The following AKAP1 variants were observed in gnomAD, a reference collection of about 807,000 sequenced individuals.
AKAP1 encodes the protein A-kinase anchoring protein 1, also known as A-kinase anchor protein 1, mitochondrial.
In AKAP1, 32 loss-of-function variants were observed where a neutral mutation model predicts 79.8. The ratio of observed to expected loss-of-function variants is 0.40; its 90% confidence interval spans 0.30 to 0.54. The LOEUF (loss-of-function observed/expected upper bound fraction) is 0.54, where lower values mean the gene tolerates loss of function less well. Among genes scored for constraint, AKAP1 ranks in the 20% least tolerant of loss-of-function variants. The pLI is 0.47. For synonymous variants in AKAP1, 416 were observed against 466.7 expected (o/e 0.89, Z 1.40); for missense variants, 961 against 1,138.9 (o/e 0.84, Z 2.25).
chr17:57,099,885 A>C (rs1359716681), intron 1 of AKAP1, among the ~76,000 whole-genome samples: 1 of 152,114 alleles, frequency 6.6e-6, no homozygotes, highest in African/African-American at 2.4e-5. Context: ...GCCAGGGCAG[A>C]GGTGCGTGCT....
intron 1 of AKAP1, among the ~76,000 whole-genome samples, chr17:57,100,428 A>AACACACACACAC (rs71363890): frequency 0.091 from 13,697 of 149,716 alleles, 688 homozygotes; most frequent in Non-Finnish European, 0.11. Context: ...TCTCTGCTAA[A>AACACACACACAC]ACACACACAC....
chr17:57,102,571 T>C (rs1421247582), intron 1 of AKAP1, among the ~76,000 whole-genome samples: 1 of 151,700 alleles, frequency 6.6e-6, no homozygotes, highest in Non-Finnish European at 1.5e-5. Context: ...GTTCAAGTGA[T>C]TCTCCCGCTC....
At chr17:57,116,689 G>C (rs1915605621) in intron 7 of AKAP1, among the ~76,000 whole-genome samples, 171 bp from the exon 8 acceptor site, 1 of 152,184 alleles carries the variant, frequency 6.6e-6, no homozygotes, top group Non-Finnish European at 1.5e-5. Context: ...TTGCAGCAGG[G>C]TCGGCTGGCT....
intron 1 of AKAP1, among the ~76,000 whole-genome samples, chr17:57,089,044 C>T (rs1371932656): frequency 6.6e-6 from 1 of 152,174 alleles, no homozygotes; most frequent in Non-Finnish European, 1.5e-5. Context: ...CTGACAAGAG[C>T]CTGGGACTTG....
chr17:57,096,051 A>AT (rs1914092529), intron 1 of AKAP1: 1 of 152,116 alleles, frequency 6.6e-6, no homozygotes, highest in Admixed American at 6.5e-5. Context: ...GGTGCTGATG[A>AT]TTTTTCCTTC....
chr17:57,106,959 C>G lies in AKAP1; in HGVS notation c.1495C>G (p.Pro499Ala). ...CATGTCAGACAGCAGCCAAAGTGTCCCTTTGGTGGCTTCTCCAGGACACTG... is the reference window on the plus strand; with the variant it reads ...CATGTCAGACAGCAGCCAAAGTGTCGCTTTGGTGGCTTCTCCAGGACACTG... ...TCMSDSSQSV[P>A]LVASPGHCSD... The change falls in exon 2 of 11, where the codon CCT (proline) becomes GCT (alanine). Residue 499 changes from proline (P) to alanine (A), a missense_variant. Around this residue, in one of 3 missense-constraint regions of AKAP1, gnomAD observed 629 missense variants for 781.1 expected, o/e 0.81. Transcript: ENST00000337714. 6.2e-7 allele frequency: 1 copy of G among 1,614,092 alleles called. No homozygotes were observed. The highest frequency in any genetic ancestry group is 8.5e-7 in the Non-Finnish European group (1 of 1,179,950).
At chr17:57,113,061 C>A (rs1915349484) in intron 5 of AKAP1, among the ~76,000 whole-genome samples, 1 of 152,162 alleles carries the variant, frequency 6.6e-6, no homozygotes, top group South Asian at 2.1e-4. Flanking sequence ...GGTGAAGGAT[C>A]TCCTTCCCCT....
At position 57,111,902 on chromosome 17, in the gene AKAP1, C is replaced by T. The variant is rs768459645; in HGVS notation, c.1953C>T (p.Ser651=). The T allele has an allele frequency of 1.1e-5, 17 of 1,613,820 alleles. No individual in the cohort carries two copies. Among genetic ancestry groups the T allele is most frequent in the South Asian group, 8.8e-5 (8 of 91,070 alleles). ...TTTCAACCCTGCCTTACACCCAGAG[C>T]GTCCAGATCTGCCACATAGAAGGTC... ...IYISTLPYTQ[S]VQICHIEGSQ... is the part of the protein sequence containing the mutation. Residue 651 remains serine (S), a synonymous_variant, in exon 4 of 11, where the codon AGC becomes AGT. Transcript: ENST00000337714.
chr17:57,089,483 G>A (rs536624968), intron 1 of AKAP1, among the ~76,000 whole-genome samples: 3 of 152,234 alleles, frequency 2.0e-5, no homozygotes, highest in Non-Finnish European at 4.4e-5. Context: ...AAATTTCTTA[G>A]TGACATTAGC....
chr17:57,094,784 T>C (rs545204843), intron 1 of AKAP1: 2 of 152,002 alleles, frequency 1.3e-5, no homozygotes, highest in East Asian at 3.9e-4. Context: ...CTAATTCTTT[T>C]AAATTTTTTT....
chr17:57,106,628 C>T lies in AKAP1; in HGVS notation c.1164C>T (p.Ser388=), dbSNP rs73991771. The change falls in exon 2 of 11, where the codon AGC becomes AGT. Residue 388 remains serine (S), a synonymous_variant. Transcript: ENST00000337714. ...ASQLQGQKEE[S]CVPVHQKTVL... is the part of the protein sequence containing the mutation. Reference sequence around the variant, plus strand: ...AGCTCCAAGGGCAGAAGGAAGAGAGCTGTGTCCCAGTTCACCAGAAAACTG... The same window carrying T: ...AGCTCCAAGGGCAGAAGGAAGAGAGTTGTGTCCCAGTTCACCAGAAAACTG... 14,929 of 1,614,172 alleles carry T rather than the reference C, an allele frequency of 9.2e-3. 82 individuals are homozygous for T. Among genetic ancestry groups the T allele is most frequent in the African/African-American group, 0.023 (1,754 of 75,040 alleles).
At chr17:57,089,249 C>G (rs759960993) in intron 1 of AKAP1, among the ~76,000 whole-genome samples, 5 of 152,152 alleles carry the variant, frequency 3.3e-5, no homozygotes, top group Non-Finnish European at 7.3e-5. Flanking sequence ...GGGAGCACAG[C>G]TCAATGGGTA....
intron 1 of AKAP1, among the ~76,000 whole-genome samples, chr17:57,102,590 G>A (rs544324068): frequency 1.3e-5 from 2 of 150,980 alleles, no homozygotes; most frequent in East Asian, 3.9e-4. Flanking sequence ...TCAGCCTCCC[G>A]AGTAGCTGGG....
chr17:57,087,720 T>C (rs1005110530), intron 1 of AKAP1, among the ~76,000 whole-genome samples: 6 of 152,238 alleles, frequency 3.9e-5, no homozygotes, highest in Non-Finnish European at 7.3e-5. Context: ...ACCCCTCTCC[T>C]TAGCCTCTGA....
chr17:57,108,873 A>T (rs574129915), intron 2 of AKAP1, among the ~76,000 whole-genome samples: 2 of 152,292 alleles, frequency 1.3e-5, no homozygotes, highest in South Asian at 4.1e-4. Context: ...GAGGCTGGAT[A>T]CTGTGAGTGA....
At position 57,086,241 on chromosome 17, in the gene AKAP1, A is replaced by G. The variant is rs1913444666; in HGVS notation, c.-25+843A>G. 5 of 339,808 alleles carry G rather than the reference A, an allele frequency of 1.5e-5. No homozygotes were observed. The highest frequency in any genetic ancestry group is 1.0e-4 in the South Asian group (5 of 47,660). 21.0% of individuals were successfully genotyped at this position (339,808 alleles called of 1,614,324 possible). On this transcript the variant is annotated intron_variant, in intron 1 of 10. Coordinates refer to ENST00000337714, the MANE Select transcript of AKAP1 (RefSeq NM_003488.4). This position sits in a 1 kb window ranked among gnomAD's most constrained non-coding sequence, Gnocchi z 5.1. Reference sequence around the variant, plus strand: ...TGCGGCCCAGGGCCCGGGGTCTGCGATCTGGAGGGACCGCGCCAGTTTTGG... The same window carrying G: ...TGCGGCCCAGGGCCCGGGGTCTGCGGTCTGGAGGGACCGCGCCAGTTTTGG...
chr17:57,116,808 T>G (rs1597992251), intron 7 of AKAP1, 52 bp from the exon 8 acceptor site: 1 of 1,505,250 alleles, frequency 6.6e-7, no homozygotes, highest in Non-Finnish European at 9.2e-7. Context: ...TGGCTTGGAG[T>G]GGAGTCAGCC....
chr17:57,096,601 A>G (rs534247219), intron 1 of AKAP1: 2 of 152,350 alleles, frequency 1.3e-5, no homozygotes, highest in African/African-American at 4.8e-5. Flanking sequence ...GCCCCTGAGG[A>G]TGAAGGTAAC....
chr17:57,103,063 C>T (rs1321489463), intron 1 of AKAP1, among the ~76,000 whole-genome samples: 2 of 152,044 alleles, frequency 1.3e-5, no homozygotes, highest in Non-Finnish European at 2.9e-5. Flanking sequence ...TGGACGACAG[C>T]GAGATAAAAG....
Sources: allele counts gnomAD v4.1 joint callset (sites outside exome capture counted in the v4.1 genomes callset), GRCh38; gene constraint gnomAD v4.1.1; regional missense constraint gnomAD v4.1.1; non-coding constraint Gnocchi (gnomAD v3.1); transcripts MANE v1.5; gene names NCBI Gene and HGNC (gene_info 2026-07-23, HGNC 2026-07-21).